ACSL6: variants seen among roughly 807,000 people sequenced by gnomAD.
The protein encoded by ACSL6 is long-chain-fatty-acid--CoA ligase 6.
A neutral mutation model predicts 98.2 loss-of-function variants in ACSL6; 47 were observed. That is an observed-to-expected ratio of 0.48 (90% CI 0.38 to 0.61). The LOEUF is 0.61. ACSL6 is among the 20% of genes least tolerant of loss of function. ACSL6 has a pLI of 0.00. For synonymous variants in ACSL6, 362 were observed against 336.9 expected (o/e 1.07, Z -0.82); for missense variants, 761 against 913.4 (o/e 0.83, Z 2.15).
chr5:131,988,254 G>A (rs758934178), intron 6 of ACSL6, 28 bp from the exon 7 acceptor site: 2 of 1,611,116 alleles, frequency 1.2e-6, no homozygotes, highest in Non-Finnish European at 1.7e-6. Flanking sequence ...GGAGAGTCAG[G>A]CCATGTGGGC....
chr5:131,971,681 T>G (rs1307393656), intron 13 of ACSL6, 36 bp from the exon 14 acceptor site: 1 of 1,557,524 alleles, frequency 6.4e-7, no homozygotes, highest in Admixed American at 1.8e-5. Context: ...AATTTTGTGA[T>G]GTCTGAGATG....
intron 1 of ACSL6, among the ~76,000 whole-genome samples, chr5:131,995,059 C>A (rs56162149): frequency 6.6e-6 from 1 of 151,938 alleles, no homozygotes; most frequent in East Asian, 1.9e-4. Context: ...GTGCTGTGTG[C>A]GCTCCCCGGG....
intron 10 of ACSL6, chr5:131,975,732 G>A: frequency 1.0e-6 from 1 of 985,468 alleles, no homozygotes; most frequent in Non-Finnish European, 1.2e-6. Context: ...CTCCAGCCAG[G>A]GGAGCCCTGC....
chr5:131,995,401 C>T (rs1754747155), intron 1 of ACSL6, among the ~76,000 whole-genome samples: 1 of 152,110 alleles, frequency 6.6e-6, no homozygotes, highest in Non-Finnish European at 1.5e-5. Context: ...AATGGGACCC[C>T]CTCATGTCAC....
chr5:131,984,342 G>T (rs1169603351), intron 9 of ACSL6: 1 of 152,272 alleles, frequency 6.6e-6, no homozygotes, highest in Non-Finnish European at 1.5e-5. Context: ...CAGAAGGCAT[G>T]CAGAGCCCCA....
intron 13 of ACSL6, 38 bp downstream of exon 13, chr5:131,972,686 T>C (rs1753376739): frequency 6.2e-7 from 1 of 1,611,300 alleles, no homozygotes; most frequent in South Asian, 1.1e-5. Context: ...CGTTGGATAC[T>C]TAGGTGTCAC....
intron 9 of ACSL6, among the ~76,000 whole-genome samples, chr5:131,979,624 C>T (rs1364058115): frequency 2.0e-5 from 3 of 152,194 alleles, no homozygotes; most frequent in African/African-American, 7.2e-5. Context: ...TTAAAACATT[C>T]CCAGACATGC....
chr5:131,977,783 T>G (rs1753696026), intron 9 of ACSL6, among the ~76,000 whole-genome samples: 1 of 151,732 alleles, frequency 6.6e-6, no homozygotes, highest in African/African-American at 2.4e-5. Context: ...ACTAAGAGAG[T>G]GTTGTACTCG....
At chr5:132,007,580 G>A (rs1755483851) in intron 1 of ACSL6, among the ~76,000 whole-genome samples, 1 of 152,178 alleles carries the variant, frequency 6.6e-6, no homozygotes, top group African/African-American at 2.4e-5. Context: ...CTGAGTCTCA[G>A]GGCCTCACCT....
At chr5:132,004,199 G>A (rs1755252945) in intron 1 of ACSL6, among the ~76,000 whole-genome samples, 1 of 151,488 alleles carries the variant, frequency 6.6e-6, no homozygotes, top group Non-Finnish European at 1.5e-5. Context: ...AAGGCTCCAT[G>A]CCAAGGTCAG....
chr5:131,999,896 C>T (rs1382987109), intron 1 of ACSL6, among the ~76,000 whole-genome samples: 1 of 152,152 alleles, frequency 6.6e-6, no homozygotes, highest in African/African-American at 2.4e-5. Context: ...GGGAGTTTGC[C>T]AAGTGGGTTT....
rs1010183051 is a variant in ACSL6, at chr5:132,011,623, A to C, written c.-70T>G. 3.5e-5 allele frequency: 44 copies of C among 1,265,104 alleles called. No homozygotes were observed. Among genetic ancestry groups the C allele is most frequent in the South Asian group, 2.4e-4 (7 of 28,970 alleles). The allele number at this position is 1,265,104 out of a possible 1,614,324, so 78.4% of individuals were successfully genotyped here. On this transcript the variant is annotated 5_prime_UTR_variant, in exon 1 of 21. Coordinates refer to ENST00000651883, the MANE Select transcript of ACSL6 (RefSeq NM_001009185.3). The surrounding 1 kb of genome is among the most constrained non-coding windows in gnomAD (Gnocchi z 5.4). ...CCGCAGCCCCGCAGCCCCGCAGCCC[A>C]GCAGCCCCAGCAGTAGCCGCGCCGC...
intron 17 of ACSL6, among the ~76,000 whole-genome samples, 191 bp from the exon 18 acceptor site, chr5:131,962,869 G>C (rs1752786250): frequency 6.6e-6 from 1 of 151,994 alleles, no homozygotes; most frequent in African/African-American, 2.4e-5. Context: ...CAGGTTGATG[G>C]CATCCAAGTT....
rs1025543900 is a variant in ACSL6 at position 131,988,854 on chromosome 5, C to A, written c.603G>T (p.Pro201=). 3 of 1,613,308 alleles carry A rather than the reference C, an allele frequency of 1.9e-6. No individual in the cohort carries two copies. The highest frequency in any genetic ancestry group is 2.5e-6 in the Non-Finnish European group (3 of 1,179,870). ...CCCCAGGGCCCAGGGTGTCATAGAG[C>A]GGGACCACCACCATGGAATATGTGT... ...ACYTYSMVVV[P]LYDTLGPGAI... is the part of the protein sequence containing the mutation. The change falls in exon 6 of 21, where the codon CCG becomes CCT. Residue 201 remains proline (P), a synonymous_variant. Coordinates refer to ENST00000651883, the MANE Select transcript of ACSL6 (RefSeq NM_001009185.3).
rs1406458097 is a variant in ACSL6 at position 131,990,136 on chromosome 5, C to T, written c.414G>A (p.Lys138=). 2.5e-6 allele frequency: 4 copies of T among 1,614,062 alleles called. No homozygotes were observed. Among genetic ancestry groups the T allele is most frequent in the Admixed American group, 1.7e-5 (1 of 60,022 alleles). The change falls in exon 4 of 21, where the codon AAG becomes AAA. Residue 138 remains lysine (K), a synonymous_variant. Transcript: ENST00000651883. The stretch of plus-strand genomic sequence containing the variant: ...ACAGCCACTGGTAAGGCTGCTTAGG[C>T]TTCCTGAAACCAAGACAGGGCCCAT... ...SGNGPCLGFR[K]PKQPYQWLSY... is the part of the protein sequence containing the mutation.
chr5:131,959,478 A>C, intron 20 of ACSL6, 58 bp downstream of exon 20: 3 of 1,571,880 alleles, frequency 1.9e-6, no homozygotes, highest in Non-Finnish European at 2.6e-6. Context: ...CCATGGGTTA[A>C]TTTAATTTTC....
chr5:131,972,489 G>A (rs555598518), intron 13 of ACSL6, among the ~76,000 whole-genome samples: 3 of 152,080 alleles, frequency 2.0e-5, no homozygotes, highest in African/African-American at 7.2e-5. Flanking sequence ...GAGATCAAGG[G>A]ACCTACTATC....
intron 1 of ACSL6, among the ~76,000 whole-genome samples, chr5:132,000,637 A>G (rs1272189652): frequency 6.6e-6 from 1 of 152,164 alleles, no homozygotes; most frequent in African/African-American, 2.4e-5. Flanking sequence ...TAAGGTAGAC[A>G]GCTAGACTCA....
chr5:131,987,815 G>A (rs1754277510), intron 7 of ACSL6, among the ~76,000 whole-genome samples: 1 of 152,184 alleles, frequency 6.6e-6, no homozygotes, highest in Non-Finnish European at 1.5e-5. Flanking sequence ...AGCACCTAGT[G>A]CCAGGCTGGA....
Sources: gnomAD v4.1 joint callset for allele counts (sites outside exome capture counted in the v4.1 genomes callset) on GRCh38, gnomAD v4.1.1 for gene constraint, Gnocchi (gnomAD v3.1) non-coding constraint, MANE v1.5 for transcripts, NCBI Gene and HGNC (gene_info 2026-07-23, HGNC 2026-07-21) for gene names.